ASPA: variants seen among roughly 807,000 people sequenced by gnomAD.
ASPA encodes the protein aspartoacylase, also known as ACY-2.
ASPA carries 25 observed loss-of-function variants against 29.6 expected under a neutral mutation model. That is an observed-to-expected ratio of 0.85 (90% CI 0.62 to 1.18). The LOEUF (loss-of-function observed/expected upper bound fraction) is 1.18. ASPA is among the 50% of genes most tolerant of loss of function. The probability of loss-of-function intolerance (pLI) is 0.00; values close to 1 mark genes in which losing one functional copy is unlikely to be tolerated. For missense variants in ASPA, 333 were observed against 385.7 expected (o/e 0.86, Z 1.14); for synonymous variants, 131 against 130.3 (o/e 1.01, Z -0.04).
At chr17:3,491,756 A>G (rs2073829609) in intron 4 of ASPA, among the ~76,000 whole-genome samples, 2 of 149,764 alleles carry the variant, frequency 1.3e-5, no homozygotes, top group Non-Finnish European at 3.0e-5. Context: ...AAAAAAAAAA[A>G]AGAAAGAAAG....
intron 5 of ASPA, 150 bp from the exon 6 acceptor site, chr17:3,498,741 C>A: frequency 1.4e-6 from 1 of 702,118 alleles, no homozygotes; most frequent in Non-Finnish European, 2.2e-6. Context: ...TCAGCGCAGT[C>A]AGATCACTTG....
chr17:3,480,249 G>A (rs1203901362), intron 1 of ASPA, among the ~76,000 whole-genome samples: 1 of 152,204 alleles, frequency 6.6e-6, no homozygotes, highest in Non-Finnish European at 1.5e-5. Flanking sequence ...GATTTATCAA[G>A]ACAAGGGAAC....
At chr17:3,494,258 C>G (rs953829688) in intron 4 of ASPA, 92 bp from the exon 5 acceptor site, 4 of 942,318 alleles carry the variant, frequency 4.2e-6, no homozygotes, top group Non-Finnish European at 6.9e-6. Flanking sequence ...CCCAACTCGG[C>G]CTCCCAAAGT....
chr17:3,484,769 G>A (rs987603431), intron 3 of ASPA, among the ~76,000 whole-genome samples: 5 of 152,150 alleles, frequency 3.3e-5, no homozygotes, highest in African/African-American at 7.2e-5. Flanking sequence ...GGGACCAGCA[G>A]CAGACAATTG....
chr17:3,483,013 A>C (rs2073660268), intron 2 of ASPA, among the ~76,000 whole-genome samples: 1 of 144,206 alleles, frequency 6.9e-6, no homozygotes, highest in South Asian at 2.2e-4. Context: ...ATGGAAGCAG[A>C]ATTGCTGACA....
At chr17:3,491,275 T>C (rs1304849305) in intron 4 of ASPA, among the ~76,000 whole-genome samples, 1 of 152,230 alleles carries the variant, frequency 6.6e-6, no homozygotes, top group Non-Finnish European at 1.5e-5. Context: ...AGTTTTGTTC[T>C]TATGTTTAAA....
intron 5 of ASPA, among the ~76,000 whole-genome samples, chr17:3,498,128 T>C (rs1186808149): frequency 2.0e-5 from 3 of 152,192 alleles, no homozygotes; most frequent in African/African-American, 7.2e-5. Context: ...TCTCCTTGTA[T>C]GCAGGTACAA....
chr17:3,490,441 C>T lies in ASPA; in HGVS notation c.634+1099C>T, dbSNP rs2073804996. ...CTATGTAAACAATTATTCCAACAGA[C>T]TGAGTTGAAATTGTTGTTGAGGAAT... On this transcript the variant is annotated intron_variant, in intron 4 of 5. Transcript: ENST00000263080. The surrounding 1 kb of genome is among the most constrained non-coding windows in gnomAD (Gnocchi z 4.6). Among the ~76,000 whole-genome samples, 7 of 152,124 alleles carry T rather than the reference C, an allele frequency of 4.6e-5. No homozygotes were observed. Among genetic ancestry groups the T allele is most frequent in the Admixed American group, 4.6e-4 (7 of 15,264 alleles).
At chr17:3,491,867 C>G (rs375619795) in intron 4 of ASPA, among the ~76,000 whole-genome samples, 1 of 124,558 alleles carries the variant, frequency 8.0e-6, no homozygotes, top group Non-Finnish European at 1.7e-5. Flanking sequence ...AAATTTTTTT[C>G]TTTTGTTTTC....
At chr17:3,494,488 G>C in intron 5 of ASPA, 29 bp downstream of exon 5, 5 of 1,533,126 alleles carry the variant, frequency 3.3e-6, no homozygotes, top group Non-Finnish European at 4.5e-6. Flanking sequence ...TTAAAATGTT[G>C]AAAATAATAA....
intron 4 of ASPA, among the ~76,000 whole-genome samples, 154 bp from the exon 5 acceptor site, chr17:3,494,196 G>A (rs1261912956): frequency 6.6e-6 from 1 of 151,928 alleles, no homozygotes; most frequent in African/African-American, 2.4e-5. Context: ...GTGGAGATGG[G>A]GTTCACCATG....
Position 3,476,149 on chromosome 17 carries a change from T to C in ASPA, c.-11T>C. ...TGAATTGCAGAAATCAGATAAAAAC[T>C]ACTTGGTGAAATGACTTCTTGTCAC... On this transcript the variant is annotated 5_prime_UTR_variant, in exon 1 of 6. Transcript: ENST00000263080. 1 of 1,609,574 alleles carries C rather than the reference T, an allele frequency of 6.2e-7. No individual in the cohort carries two copies. The highest frequency in any genetic ancestry group is 8.5e-7 in the Non-Finnish European group (1 of 1,176,344).
chr17:3,496,664 C>A (rs2150761497), intron 5 of ASPA, among the ~76,000 whole-genome samples: 1 of 152,340 alleles, frequency 6.6e-6, no homozygotes, highest in African/African-American at 2.4e-5. Flanking sequence ...GGGATGCTAA[C>A]TGGAATCACG....
chr17:3,489,451 AT>A (rs2073784821), intron 4 of ASPA, 109 bp downstream of exon 4: 1 of 914,730 alleles, frequency 1.1e-6, no homozygotes, highest in Non-Finnish European at 1.8e-6. Flanking sequence ...GCTTTTTAAA[AT>A]TTTTATTCAC....
chr17:3,491,642 G>A (rs529931511), intron 4 of ASPA, among the ~76,000 whole-genome samples: 35 of 152,036 alleles, frequency 2.3e-4, no homozygotes, highest in Middle Eastern at 6.8e-3. Context: ...CAGCTACTCC[G>A]AAGGCTGAGA....
In ASPA at chr17:3,489,265, T is replaced by C. The variant is rs747438350; in HGVS notation, c.557T>C (p.Val186Ala). 1 of 1,612,778 alleles carries C rather than the reference T, an allele frequency of 6.2e-7. No individual in the cohort carries two copies. The highest frequency in any genetic ancestry group is 1.7e-5 in the Admixed American group (1 of 59,978). ...GAAGTTGGTCCTCAGCCTCAAGGGG[T>C]TCTGAGAGCTGATATCTTGGATCAA... ...GIEVGPQPQGVLRADILDQMR... is the reference protein window; with the variant it reads ...GIEVGPQPQGALRADILDQMR... Residue 186 changes from valine to alanine, a missense_variant, in exon 4 of 6, where the codon GTT (valine) becomes GCT (alanine). Physicochemically the swap from Val to Ala is moderately conservative, Grantham distance 64. Transcript: ENST00000263080.
Position 3,503,231 on chromosome 17 carries a change from A to T in ASPA, c.*4143A>T, listed in dbSNP as rs11551725. ...TGAATGAATGAATGAATGAATGAAT[A>T]AATATTATATATTTATACATTTTCA... On this transcript the variant is annotated 3_prime_UTR_variant, in exon 6 of 6. Transcript: ENST00000263080. The T allele has an allele frequency of 6.6e-6, 1 of 151,820 alleles. No homozygotes were observed. The highest frequency in any genetic ancestry group is 2.1e-4 in the South Asian group (1 of 4,824). 9.4% of individuals were successfully genotyped at this position (151,820 alleles called of 1,614,324 possible).
rs2073989172 is a variant in ASPA at position 3,501,512 on chromosome 17, A to C, written c.*2424A>C. 2 of 153,542 alleles carry C rather than the reference A, an allele frequency of 1.3e-5. No individual in the cohort carries two copies. Among genetic ancestry groups the C allele is most frequent in the Non-Finnish European group, 2.9e-5 (2 of 68,906 alleles). 9.5% of individuals were successfully genotyped at this position (153,542 alleles called of 1,614,324 possible). ...GAATGGATGAGGAGTCGCTTCTTAT[A>C]AATGAGCAAAAAAGTGGTTTCTTGG... On this transcript the variant is annotated 3_prime_UTR_variant, in exon 6 of 6. Coordinates refer to ENST00000263080, the MANE Select transcript of ASPA (RefSeq NM_000049.4).
chr17:3,482,183 A>T (rs2073642729), intron 2 of ASPA, among the ~76,000 whole-genome samples: 1 of 152,318 alleles, frequency 6.6e-6, no homozygotes, highest in African/African-American at 2.4e-5. Flanking sequence ...TAAAATTAAT[A>T]TTAAAACTTT....
Sources: gnomAD v4.1 joint callset for allele counts (sites outside exome capture counted in the v4.1 genomes callset) on GRCh38, gnomAD v4.1.1 for gene constraint, Gnocchi (gnomAD v3.1) non-coding constraint, MANE v1.5 for transcripts, NCBI Gene and HGNC (gene_info 2026-07-23, HGNC 2026-07-21) for gene names.